SLC44A5: variants seen among roughly 807,000 people sequenced by gnomAD.
SLC44A5 encodes solute carrier family 44 member 5, also known as choline transporter-like protein 5.
SLC44A5 carries 57 observed loss-of-function variants against 101.8 expected under a neutral mutation model. That is an observed-to-expected ratio of 0.56 (90% CI 0.45 to 0.70). SLC44A5 has a LOEUF of 0.70. Among genes scored for constraint, SLC44A5 ranks in the 30% least tolerant of loss-of-function variants. SLC44A5 has a pLI of 0.00. For missense variants in SLC44A5, 737 were observed against 853.1 expected (o/e 0.86, Z 1.70); for synonymous variants, 281 against 290.9 (o/e 0.97, Z 0.35).
At chr1:75,421,185 G>C (rs2101559237) in intron 2 of SLC44A5, among the ~76,000 whole-genome samples, 1 of 151,942 alleles carries the variant, frequency 6.6e-6, no homozygotes, top group East Asian at 1.9e-4. Context: ...TATACATACT[G>C]TTAGTATGTA....
chr1:75,499,561 C>T (rs896935740), intron 2 of SLC44A5, among the ~76,000 whole-genome samples: 8 of 152,320 alleles, frequency 5.3e-5, no homozygotes, highest in Non-Finnish European at 7.3e-5. Flanking sequence ...TAGCAAACAA[C>T]GCATTTCTCA....
chr1:75,529,547 G>A (rs1670606754), intron 2 of SLC44A5, among the ~76,000 whole-genome samples: 1 of 152,126 alleles, frequency 6.6e-6, no homozygotes, highest in Non-Finnish European at 1.5e-5. Flanking sequence ...ACAATAGGAT[G>A]GATTAAGCAT....
At chr1:75,255,960 A>T (rs1350292017) in intron 6 of SLC44A5, among the ~76,000 whole-genome samples, 2 of 152,174 alleles carry the variant, frequency 1.3e-5, no homozygotes, top group Non-Finnish European at 2.9e-5. Context: ...GAAGACATTT[A>T]TAGGAACTCA....
At chr1:75,512,949 T>G (rs781376059) in intron 2 of SLC44A5, among the ~76,000 whole-genome samples, 1 of 152,226 alleles carries the variant, frequency 6.6e-6, no homozygotes, top group African/African-American at 2.4e-5. Flanking sequence ...TATTCGGGAC[T>G]TTTTCATCCA....
At chr1:75,646,581 G>A in the SLC44A5 span, among the ~76,000 whole-genome samples, 2,395 of 152,194 alleles carry the variant, frequency 0.016, 77 homozygotes, top group African/African-American at 0.053. Flanking sequence ...ACATGTTGCA[G>A]GAGGGACATC....
intron 3 of SLC44A5, among the ~76,000 whole-genome samples, chr1:75,355,261 T>C (rs912427733): frequency 2.0e-5 from 3 of 152,202 alleles, no homozygotes; most frequent in Non-Finnish European, 2.9e-5. Flanking sequence ...GTATAAAAAT[T>C]ATAAACTGTA....
At chr1:75,208,066 G>T (rs190717041) in intron 23 of SLC44A5, among the ~76,000 whole-genome samples, 2 of 152,124 alleles carry the variant, frequency 1.3e-5, no homozygotes, top group African/African-American at 4.8e-5. Context: ...GCTGTAAAAT[G>T]CTTCCTTTAA....
chr1:75,428,286 C>T (rs1321571245), intron 2 of SLC44A5, among the ~76,000 whole-genome samples: 1 of 152,178 alleles, frequency 6.6e-6, no homozygotes, highest in Non-Finnish European at 1.5e-5. Flanking sequence ...ATTCAAGTGA[C>T]TAGCATCCTC....
At chr1:75,470,324 G>A (rs1029666828) in intron 2 of SLC44A5, among the ~76,000 whole-genome samples, 15 of 152,162 alleles carry the variant, frequency 9.9e-5, no homozygotes, top group Non-Finnish European at 2.9e-5. Flanking sequence ...GAGAAACCAA[G>A]TGAATGTACA....
At chr1:75,267,498 C>T (rs1486591146) in intron 6 of SLC44A5, among the ~76,000 whole-genome samples, 3 of 151,964 alleles carry the variant, frequency 2.0e-5, no homozygotes, top group Non-Finnish European at 4.4e-5. Context: ...AATAAAAATA[C>T]TCAATTTTCT....
At chr1:75,661,658 C>T in the SLC44A5 span, among the ~76,000 whole-genome samples, 1 of 151,562 alleles carries the variant, frequency 6.6e-6, no homozygotes, top group Admixed American at 6.6e-5. Context: ...AACAACTCAA[C>T]CAAAAAAATC....
At chr1:75,675,788 T>A in the SLC44A5 span, among the ~76,000 whole-genome samples, 1 of 151,950 alleles carries the variant, frequency 6.6e-6, no homozygotes, top group Non-Finnish European at 1.5e-5. Context: ...TGAGAGAAAA[T>A]TTTTGCAATC....
chr1:75,262,824 G>A (rs920363557), intron 6 of SLC44A5, among the ~76,000 whole-genome samples: 12 of 151,886 alleles, frequency 7.9e-5, no homozygotes, highest in Non-Finnish European at 1.6e-4. Context: ...CAGAAATAAC[G>A]TCACATATCT....
chr1:75,441,140 G>A (rs1268950027), intron 2 of SLC44A5, among the ~76,000 whole-genome samples: 1 of 152,044 alleles, frequency 6.6e-6, no homozygotes, highest in Non-Finnish European at 1.5e-5. Context: ...AGCATCTGTG[G>A]TAAGCTTACA....
rs116754661 is a variant in SLC44A5 at position 75,343,243 on chromosome 1, T to C, written c.53-3613A>G. ...AAGTTTATTGTCTTGCAACAGTAAA[T>C]TTAGAATCATTGAAAAACATTTATA... On this transcript the variant is annotated intron_variant, in intron 3 of 23. Coordinates refer to ENST00000370859, the MANE Select transcript of SLC44A5 (RefSeq NM_001130058.2). Among the ~76,000 whole-genome samples the C allele has an allele frequency of 8.8e-3, 1,335 of 152,266 alleles. 22 individuals are homozygous for C. Among genetic ancestry groups the C allele is most frequent in the African/African-American group, 0.031 (1,277 of 41,542 alleles).
rs139293875 is a variant in SLC44A5 at position 75,319,553 on chromosome 1, C to A, written c.102-18868G>T. Among the ~76,000 whole-genome samples, 555 of 152,238 alleles carry A rather than the reference C, an allele frequency of 3.6e-3. 3 individuals are homozygous for A. Among genetic ancestry groups the A allele is most frequent in the African/African-American group, 0.013 (540 of 41,562 alleles). ...TCTAAAGACAGTGAAAGAAAAAGAT[C>A]TTAAGTCCAAGACCCAAGTTCTGCC... is the stretch of plus-strand genomic sequence containing the variant. On this transcript the variant is annotated intron_variant, in intron 4 of 23. Coordinates refer to ENST00000370859, the MANE Select transcript of SLC44A5 (RefSeq NM_001130058.2).
chr1:75,224,187 C>G (rs1271969220), intron 13 of SLC44A5, among the ~76,000 whole-genome samples: 1 of 152,158 alleles, frequency 6.6e-6, no homozygotes, highest in South Asian at 2.1e-4. Flanking sequence ...CAATGCATTA[C>G]TCATGTGTTT....
chr1:75,578,508 A>G (rs1307505540), intron 1 of SLC44A5, among the ~76,000 whole-genome samples: 1 of 152,228 alleles, frequency 6.6e-6, no homozygotes, highest in African/African-American at 2.4e-5. Flanking sequence ...ACTGAAGTGC[A>G]GTGTGCTAAG....
chr1:75,679,174 T>C, the SLC44A5 span, among the ~76,000 whole-genome samples: 4 of 152,328 alleles, frequency 2.6e-5, no homozygotes, highest in African/African-American at 4.8e-5. Context: ...CGGAACCAAG[T>C]TGGAAAACAC....
Sources: allele counts gnomAD v4.1 joint callset (sites outside exome capture counted in the v4.1 genomes callset), GRCh38; gene constraint gnomAD v4.1.1; transcripts MANE v1.5; gene names NCBI Gene and HGNC (gene_info 2026-07-23, HGNC 2026-07-21).